Variants in MXI1 observed in about 807,000 individuals in gnomAD.
The protein encoded by MXI1 is max-interacting protein 1.
In MXI1, 18 loss-of-function variants were observed where a neutral mutation model predicts 36.9. That is an observed-to-expected ratio of 0.49 (90% CI 0.34 to 0.72). MXI1 has a LOEUF of 0.72. Among genes scored for constraint, MXI1 ranks in the 30% least tolerant of loss-of-function variants. The pLI is 0.01. For missense variants in MXI1, 304 were observed against 379.1 expected (o/e 0.80, Z 1.64); for synonymous variants, 160 against 146.7 (o/e 1.09, Z -0.65).
intron 1 of MXI1, among the ~76,000 whole-genome samples, chr10:110,211,525 TA>T (rs1854515673): frequency 6.6e-6 from 1 of 152,238 alleles, no homozygotes; most frequent in South Asian, 2.1e-4. Context: ...GGTCACGAGT[TA>T]ACACGTTCCG....
rs199992349 is a variant in MXI1, at chr10:110,239,937, CT to C, written c.408-4881del. Among the ~76,000 whole-genome samples, 358 of 148,778 alleles carry C rather than the reference CT, an allele frequency of 2.4e-3. 12 individuals carry two copies. The East Asian group carries it at 0.047, about 20-fold the overall frequency. On this transcript the variant is annotated intron_variant, in intron 2 of 5. Coordinates refer to ENST00000332674, the MANE Select transcript of MXI1 (RefSeq NM_130439.3). Reference sequence around the variant, plus strand: ...CTCCCCAAGGTAACTGCAATTCCAACTTTTTTTTTTAATTCCAACTTTTTAT... The same window carrying C: ...CTCCCCAAGGTAACTGCAATTCCAACTTTTTTTTTAATTCCAACTTTTTAT...
intron 3 of MXI1, among the ~76,000 whole-genome samples, chr10:110,247,932 C>G (rs1199601017): frequency 6.6e-6 from 1 of 152,148 alleles, no homozygotes; most frequent in African/African-American, 2.4e-5. Flanking sequence ...ATAGCAAAGA[C>G]TTGGAACCAA....
At chr10:110,215,282 T>C (rs1977830) in intron 1 of MXI1, among the ~76,000 whole-genome samples, 46,751 of 151,716 alleles carry the variant, frequency 0.31, 8,303 homozygotes, top group African/African-American at 0.49. Context: ...CCTTGTGATC[T>C]GCCCACCTTG....
intron 1 of MXI1, among the ~76,000 whole-genome samples, chr10:110,216,907 A>G (rs1854663195): frequency 1.3e-5 from 2 of 151,934 alleles, no homozygotes; most frequent in East Asian, 1.9e-4. Flanking sequence ...GGCTCAAGCC[A>G]TCGACCCACC....
Position 110,228,258 on chromosome 10 carries a change from C to A in MXI1, c.344C>A (p.Pro115Gln). ...PSPRLQHSKP[P>Q]RRLSRAQKHS... ...CCCCGACTGCAGCATTCAAAGCCCC[C>A]ACGGAGGTTGAGCCGGGCACAGAAA... Residue 115 changes from proline (P) to glutamine (Q), a missense_variant, in exon 2 of 6, where the codon CCA (proline) becomes CAA (glutamine). Transcript: ENST00000332674. 1.2e-6 allele frequency: 2 copies of A among 1,614,176 alleles called. No homozygotes were observed. The highest frequency in any genetic ancestry group is 1.3e-5 in the African/African-American group (1 of 75,048).
chr10:110,208,743 C>CG (rs1027772726), intron 1 of MXI1, among the ~76,000 whole-genome samples: 10 of 139,656 alleles, frequency 7.2e-5, no homozygotes, highest in African/African-American at 2.7e-4. Flanking sequence ...CACCGCCGCC[C>CG]CCCCCCCCCC....
chr10:110,227,368 T>G (rs1590342225), intron 1 of MXI1: 2 of 974,822 alleles, frequency 2.1e-6, no homozygotes, highest in African/African-American at 3.8e-5. Context: ...AGTGGAGGCG[T>G]GTGTGAGAGG....
chr10:110,273,182 G>C (rs1358616643), intron 3 of MXI1, among the ~76,000 whole-genome samples: 1 of 151,524 alleles, frequency 6.6e-6, no homozygotes, highest in Non-Finnish European at 1.5e-5. Context: ...CAAGTAGCTG[G>C]GACTACAGGC....
intron 5 of MXI1, among the ~76,000 whole-genome samples, chr10:110,280,564 T>C (rs532506635): frequency 6.7e-4 from 101 of 151,500 alleles, no homozygotes; most frequent in Admixed American, 2.6e-3. Flanking sequence ...CCTGTAGTCC[T>C]AGCTACTCGG....
intron 5 of MXI1, 26 bp from the exon 6 acceptor site, chr10:110,284,798 C>CTTA (rs2134486216): frequency 6.4e-7 from 1 of 1,572,372 alleles, no homozygotes; most frequent in Non-Finnish European, 8.6e-7. Context: ...AATTAATGTT[C>CTTA]TTCTTTTTTT....
intron 3 of MXI1, among the ~76,000 whole-genome samples, chr10:110,259,626 CT>C (rs540239651): frequency 2.4e-4 from 37 of 152,050 alleles, no homozygotes; most frequent in African/African-American, 8.9e-4. Flanking sequence ...TAAAAAATGT[CT>C]TTTTATTAGA....
intron 3 of MXI1, among the ~76,000 whole-genome samples, chr10:110,270,834 A>C (rs998358391): frequency 2.0e-5 from 3 of 152,178 alleles, no homozygotes; most frequent in Non-Finnish European, 4.4e-5. Flanking sequence ...TCATGCCTAT[A>C]ATCCTAGCAC....
chr10:110,226,025 A>C, intron 1 of MXI1: 1 of 976,296 alleles, frequency 1.0e-6, no homozygotes, highest in Non-Finnish European at 1.2e-6. Context: ...TGCCCGCGGC[A>C]CGGCGGGCGC....
chr10:110,286,636 G>C lies in MXI1; in HGVS notation c.*1649G>C, dbSNP rs1355300745. 6.6e-6 allele frequency: 1 copy of C among 152,636 alleles called. No individual in the cohort carries two copies. Among genetic ancestry groups the C allele is most frequent in the Non-Finnish European group, 1.5e-5 (1 of 68,036 alleles). 9.5% of individuals were successfully genotyped at this position (152,636 alleles called of 1,614,324 possible). ...AAAGACAACCATATTTAGCAGTGCA[G>C]TTGAGTTGTGTGTTAATGTTAGACT... On this transcript the variant is annotated 3_prime_UTR_variant, in exon 6 of 6. Coordinates refer to ENST00000332674, the MANE Select transcript of MXI1 (RefSeq NM_130439.3).
At chr10:110,231,154 G>A (rs1855243558) in intron 2 of MXI1, among the ~76,000 whole-genome samples, 2 of 152,160 alleles carry the variant, frequency 1.3e-5, no homozygotes, top group Admixed American at 1.3e-4. Context: ...ATTGCCTGAG[G>A]TCAGGAGTTC....
At chr10:110,211,261 G>T (rs138351944) in intron 1 of MXI1, among the ~76,000 whole-genome samples, 3 of 152,050 alleles carry the variant, frequency 2.0e-5, no homozygotes, top group Non-Finnish European at 2.9e-5. Flanking sequence ...TCTTTCCTCC[G>T]ACTGGACTTG....
In MXI1 at chr10:110,284,804, T is replaced by C. The variant is rs72830463; in HGVS notation, c.725-20T>C. 4.7e-5 allele frequency: 55 copies of C among 1,163,130 alleles called. No homozygotes were observed. Among genetic ancestry groups the C allele is most frequent in the Middle Eastern group, 2.2e-4 (1 of 4,544 alleles). The allele number at this position is 1,163,130 out of a possible 1,614,324, so 72.1% of individuals were successfully genotyped here. A position where few individuals can be genotyped will look rare whatever the true frequency, so the allele number is the denominator to read the frequency against. ...ATACTCGATAATTAATGTTCTTCTT[T>C]TTTTTTTTTCCTTTGGCAGAGGAGA... On this transcript the variant is annotated intron_variant, in intron 5 of 5. Coordinates refer to ENST00000332674, the MANE Select transcript of MXI1 (RefSeq NM_130439.3).
At chr10:110,258,567 A>C (rs1274436044) in intron 3 of MXI1, among the ~76,000 whole-genome samples, 1 of 152,308 alleles carries the variant, frequency 6.6e-6, no homozygotes, top group East Asian at 1.9e-4. Context: ...TTTGTATGCA[A>C]GTAAATGAAT....
intron 3 of MXI1, among the ~76,000 whole-genome samples, chr10:110,273,716 C>T (rs1011092748): frequency 6.6e-6 from 1 of 152,104 alleles, no homozygotes; most frequent in Non-Finnish European, 1.5e-5. Flanking sequence ...TTCAGCAGAG[C>T]GGAAAATATA....
Sources: allele counts gnomAD v4.1 joint callset (sites outside exome capture counted in the v4.1 genomes callset), GRCh38; gene constraint gnomAD v4.1.1; transcripts MANE v1.5; gene names NCBI Gene and HGNC (gene_info 2026-07-23, HGNC 2026-07-21).